Variants in DNMT3A observed in about 807,000 individuals in gnomAD.
DNMT3A encodes the protein DNA methyltransferase 3 alpha.
DNMT3A carries 267 observed loss-of-function variants against 117.6 expected under a neutral mutation model. The ratio of observed to expected loss-of-function variants is 2.27; its 90% CI spans 2.05 to 2.51. The LOEUF (loss-of-function observed/expected upper bound fraction) is 2.51. Among genes scored for constraint, DNMT3A ranks in the 30% most tolerant of loss-of-function variants. The pLI is 0.00. For missense variants in DNMT3A, 1,029 were observed against 1,260.2 expected (o/e 0.82, Z 2.78); for synonymous variants, 432 against 474.8 (o/e 0.91, Z 1.17).
intron 3 of DNMT3A, among the ~76,000 whole-genome samples, chr2:25,291,110 C>T (rs959366993): frequency 2.6e-5 from 4 of 152,194 alleles, no homozygotes; most frequent in Non-Finnish European, 5.9e-5. Flanking sequence ...AAGGAAGCTG[C>T]GTGATGCCAA....
chr2:25,275,902 T>G (rs1441600836), intron 4 of DNMT3A, among the ~76,000 whole-genome samples: 4 of 152,012 alleles, frequency 2.6e-5, no homozygotes, highest in Non-Finnish European at 4.4e-5. Context: ...GAGACCTCCT[T>G]CCCCAAAGGA....
chr2:25,248,294 G>C, intron 6 of DNMT3A, 42 bp from the exon 7 acceptor site: 1 of 1,598,144 alleles, frequency 6.3e-7, no homozygotes, highest in Middle Eastern at 1.7e-4. Flanking sequence ...ACCTCTCCAG[G>C]AATTAGCAAG....
intron 1 of DNMT3A, among the ~76,000 whole-genome samples, chr2:25,336,010 G>A (rs1453127864): frequency 2.0e-5 from 3 of 151,594 alleles, no homozygotes; most frequent in Non-Finnish European, 2.9e-5. Context: ...AGCCCCAGGC[G>A]TCTGCACCTC....
At chr2:25,235,431 C>T (rs917445190) in intron 22 of DNMT3A, among the ~76,000 whole-genome samples, 3 of 152,070 alleles carry the variant, frequency 2.0e-5, no homozygotes, top group African/African-American at 4.8e-5. Flanking sequence ...GTGATCCACC[C>T]GCCTCGGCCT....
chr2:25,246,811 G>C (rs1674851053), intron 9 of DNMT3A, 35 bp from the exon 10 acceptor site: 2 of 1,607,144 alleles, frequency 1.2e-6, no homozygotes, highest in Non-Finnish European at 1.7e-6. Flanking sequence ...GGGTTGTCAG[G>C]ACAGGCTGGA....
intron 1 of DNMT3A, among the ~76,000 whole-genome samples, chr2:25,332,880 G>A (rs59106774): frequency 3.3e-5 from 5 of 152,222 alleles, no homozygotes; most frequent in Non-Finnish European, 5.9e-5. Context: ...CTGCCAGGCC[G>A]GGCTGTGGTC....
At chr2:25,276,530 T>C (rs1052653981) in intron 4 of DNMT3A, among the ~76,000 whole-genome samples, 4 of 152,228 alleles carry the variant, frequency 2.6e-5, no homozygotes, top group African/African-American at 9.6e-5. Flanking sequence ...CTCCCTGTGC[T>C]TCTCCAAGCC....
intron 1 of DNMT3A, among the ~76,000 whole-genome samples, chr2:25,324,989 C>T (rs1386369929): frequency 1.4e-5 from 2 of 146,126 alleles, no homozygotes; most frequent in Non-Finnish European, 3.1e-5. Flanking sequence ...GGCCATGGCA[C>T]CACCAGCACT....
intron 3 of DNMT3A, among the ~76,000 whole-genome samples, chr2:25,297,513 T>C (rs1008555052): frequency 6.7e-6 from 1 of 148,844 alleles, no homozygotes; most frequent in Non-Finnish European, 1.5e-5. Flanking sequence ...CATTGTTTTT[T>C]TTTTTTTTTT....
intron 6 of DNMT3A, among the ~76,000 whole-genome samples, chr2:25,258,780 G>A (rs564361607): frequency 6.6e-6 from 1 of 152,334 alleles, no homozygotes. Context: ...GACAGGAATG[G>A]CCAGATCTAG....
Position 25,305,254 on chromosome 2 carries a change from G to A in DNMT3A, c.73-5011C>T, listed in dbSNP as rs1350430884. ...TAGACTTAAACATAATTGTCACTTT[G>A]CATTTATGTCATTCTTTGCAGCTTT... On this transcript the variant is annotated intron_variant, in intron 2 of 22. Coordinates refer to ENST00000321117, the MANE Select transcript of DNMT3A (RefSeq NM_022552.5). The surrounding 1 kb of genome is among the most constrained non-coding windows in gnomAD (Gnocchi z 4.1). 6.6e-6 allele frequency among the ~76,000 whole-genome samples: 1 copy of A among 152,192 alleles called. No homozygotes were observed. The highest frequency in any genetic ancestry group is 2.4e-5 in the African/African-American group (1 of 41,452).
chr2:25,244,109 G>A (rs1451054897), intron 15 of DNMT3A, 46 bp downstream of exon 15: 19 of 1,612,530 alleles, frequency 1.2e-5, no homozygotes, highest in Non-Finnish European at 1.6e-5. Flanking sequence ...CACAACCAAG[G>A]CTCAGCCAAG....
intron 1 of DNMT3A, among the ~76,000 whole-genome samples, chr2:25,319,525 G>A (rs754945756): frequency 9.2e-5 from 14 of 152,110 alleles, no homozygotes; most frequent in Non-Finnish European, 1.5e-4. Flanking sequence ...CCTCTAATAC[G>A]CATAAGATCC....
Position 25,241,465 on chromosome 2 carries a change from A to T in DNMT3A, c.2082+97T>A, listed in dbSNP as rs895323183. On this transcript the variant is annotated intron_variant, in intron 17 of 22. Transcript: ENST00000321117. ...GCTGGGGCAAAGGGTGAAGAGAAAG[A>T]GGGCAAATGAACAAAATGAAAGGAG... 2.7e-6 allele frequency: 4 copies of T among 1,465,358 alleles called. No individual in the cohort carries two copies. In the South Asian group the frequency reaches 4.1e-5, roughly 15 times the overall value. The allele number at this position is 1,465,358 out of a possible 1,614,324, so 90.8% of individuals were successfully genotyped here. A position where few individuals can be genotyped will look rare whatever the true frequency, so the allele number is the denominator to read the frequency against.
chr2:25,326,516 G>A (rs2034794280), intron 1 of DNMT3A, among the ~76,000 whole-genome samples: 2 of 152,174 alleles, frequency 1.3e-5, no homozygotes, highest in African/African-American at 4.8e-5. Context: ...CTGTGAAGAT[G>A]GAGCTGGGCC....
At chr2:25,284,643 T>C (rs865976280) in intron 3 of DNMT3A, among the ~76,000 whole-genome samples, 3 of 13,060 alleles carry the variant, frequency 2.3e-4, no homozygotes, top group African/African-American at 1.0e-3. Flanking sequence ...TGAGACTCCA[T>C]CTAAAAAAAA....
rs56901099 is a variant in DNMT3A at position 25,284,645 on chromosome 2, T to TAAAAAAA, written c.178-1941_178-1935dup. On this transcript the variant is annotated intron_variant, in intron 3 of 22. Transcript: ENST00000321117. ...CTGGGCAACAGAGTGAGACTCCATCTAAAAAAAAAAAAAAAAAAAAAAAAA... is the reference window on the plus strand; with the variant it reads ...CTGGGCAACAGAGTGAGACTCCATCTAAAAAAAAAAAAAAAAAAAAAAAAAAAAAAAA... Among the ~76,000 whole-genome samples the TAAAAAAA allele has an allele frequency of 2.8e-3, 46 of 16,642 alleles. 2 individuals carry two copies. The highest frequency in any genetic ancestry group is 4.8e-3 in the Admixed American group (6 of 1,250). 10.9% of individuals were successfully genotyped at this position (16,642 alleles called of 152,430 possible).
In DNMT3A at chr2:25,233,318, C is replaced by A. The variant is rs928718784; in HGVS notation, c.*961G>T. ...AGAGCCCACCGTGAGAACGCGCCAT[C>A]TGCAAGCTGTCTCCCTTTCTCCATC... On this transcript the variant is annotated 3_prime_UTR_variant, in exon 23 of 23. Coordinates refer to ENST00000321117, the MANE Select transcript of DNMT3A (RefSeq NM_022552.5). The A allele has an allele frequency of 4.3e-6, 1 of 233,696 alleles. No homozygotes were observed. The highest frequency in any genetic ancestry group is 2.2e-5 in the African/African-American group (1 of 45,322). The allele number at this position is 233,696 out of a possible 1,614,324, so 14.5% of individuals were successfully genotyped here. A position where few individuals can be genotyped will look rare whatever the true frequency, so the allele number is the denominator to read the frequency against.
At chr2:25,243,802 G>A in intron 16 of DNMT3A, 96 bp downstream of exon 16, 3 of 1,296,876 alleles carry the variant, frequency 2.3e-6, no homozygotes, top group Non-Finnish European at 3.3e-6. Flanking sequence ...CAGCTGTGAA[G>A]CTAACCATCA....
Sources: gnomAD v4.1 joint callset for allele counts (sites outside exome capture counted in the v4.1 genomes callset) on GRCh38, gnomAD v4.1.1 for gene constraint, Gnocchi (gnomAD v3.1) non-coding constraint, MANE v1.5 for transcripts, NCBI Gene and HGNC (gene_info 2026-07-23, HGNC 2026-07-21) for gene names.